Variants in ACOT1 observed in about 807,000 individuals in gnomAD.
The protein encoded by ACOT1 is acyl-coenzyme A thioesterase 1.
ACOT1 carries 8 observed loss-of-function variants against 15.7 expected under a neutral mutation model. The ratio of observed to expected loss-of-function variants is 0.51; its 90% CI spans 0.30 to 0.92. The LOEUF is 0.92. ACOT1 is among the 40% of genes least tolerant of loss of function. ACOT1 has a pLI of 0.06. For missense variants in ACOT1, 151 were observed against 539.4 expected (o/e 0.28, Z 7.13); for synonymous variants, 67 against 241.2 (o/e 0.28, Z 6.69).
At chr14:73,514,062 C>T in the ACOT1 span, 3 of 1,614,204 alleles carry the variant, frequency 1.9e-6, no homozygotes, top group Non-Finnish European at 2.5e-6. Flanking sequence ...ATTCCTTCAG[C>T]ATCCTCCGCA....
chr14:73,493,753 A>T, the ACOT1 span, among the ~76,000 whole-genome samples: 3 of 152,142 alleles, frequency 2.0e-5, no homozygotes, highest in Admixed American at 2.0e-4. Context: ...CAGGAGGATC[A>T]CTTGAACCTG....
chr14:73,502,672 C>T, the ACOT1 span, among the ~76,000 whole-genome samples: 1 of 152,080 alleles, frequency 6.6e-6, no homozygotes, highest in Non-Finnish European at 1.5e-5. Flanking sequence ...CTCAGCCTCC[C>T]GAGTAGCTGG....
the ACOT1 span, among the ~76,000 whole-genome samples, chr14:73,509,107 T>G: frequency 2.0e-5 from 3 of 152,178 alleles, no homozygotes; most frequent in Non-Finnish European, 2.9e-5. Flanking sequence ...GCTCAGGTGA[T>G]CCTGTCGCCT....
chr14:73,491,081 C>G, the ACOT1 span: 1 of 1,598,612 alleles, frequency 6.3e-7, no homozygotes, highest in South Asian at 1.1e-5. Context: ...CCGGCGCAAG[C>G]CCCAGCCACA....
the ACOT1 span, among the ~76,000 whole-genome samples, chr14:73,517,924 A>G: frequency 6.6e-6 from 1 of 151,948 alleles, no homozygotes; most frequent in Admixed American, 6.6e-5. Context: ...CGTCTCTACT[A>G]AAAATACAAA....
intron 1 of ACOT1, among the ~76,000 whole-genome samples, chr14:73,541,122 C>T (rs1889072728): frequency 8.8e-6 from 1 of 113,410 alleles, no homozygotes; most frequent in African/African-American, 3.0e-5. Context: ...TGGAGTCATT[C>T]AGAATGAGTA....
chr14:73,498,395 C>G, the ACOT1 span: 2 of 1,466,430 alleles, frequency 1.4e-6, no homozygotes, highest in Non-Finnish European at 1.8e-6. Flanking sequence ...TTACTATATT[C>G]TAGCATCCAG....
At chr14:73,496,742 G>C in the ACOT1 span, 1 of 880,376 alleles carries the variant, frequency 1.1e-6, no homozygotes, top group Non-Finnish European at 1.9e-6. Flanking sequence ...TATGGGGGTA[G>C]AAAATATAGG....
upstream of ACOT1, among the ~76,000 whole-genome samples, chr14:73,535,492 T>C (rs1479731096): frequency 7.1e-4 from 27 of 38,182 alleles, 5 homozygotes; most frequent in African/African-American, 2.3e-3. Flanking sequence ...TTTTTTTTTT[T>C]TTTTTTTTTT....
chr14:73,502,012 T>C, the ACOT1 span, among the ~76,000 whole-genome samples: 1 of 151,182 alleles, frequency 6.6e-6, no homozygotes, highest in Non-Finnish European at 1.5e-5. Context: ...CCCAAAGTGC[T>C]GGGATTACAG....
chr14:73,537,401 A>T lies in ACOT1; in HGVS notation c.-21A>T, dbSNP rs113717902. The T allele has an allele frequency of 0.018, 22,667 of 1,233,648 alleles. 6,337 individuals carry two copies. The highest frequency in any genetic ancestry group is 0.098 in the African/African-American group (6,368 of 64,656). The allele number at this position is 1,233,648 out of a possible 1,614,324, so 76.4% of individuals were successfully genotyped here. A position where few individuals can be genotyped will look rare whatever the true frequency, so the allele number is the denominator to read the frequency against. ...TCCACAGCTGAGGCAGTTTGGCCGG[A>T]TTATTTGGGTTCCTGCTCGGATGGC... On this transcript the variant is annotated 5_prime_UTR_variant, in exon 1 of 3. Transcript: ENST00000311148.
chr14:73,496,950 G>A, the ACOT1 span, among the ~76,000 whole-genome samples: 2 of 152,216 alleles, frequency 1.3e-5, no homozygotes, highest in African/African-American at 4.8e-5. Flanking sequence ...GAGTGCAATG[G>A]CACGATCTCG....
At chr14:73,522,191 CG>C in the ACOT1 span, 20 of 1,412,894 alleles carry the variant, frequency 1.4e-5, no homozygotes, top group African/African-American at 2.4e-4. Flanking sequence ...ATTCTGAAAT[CG>C]GGAGTGTGAG....
In ACOT1 at chr14:73,537,408, G is replaced by C. The variant is rs111952950; in HGVS notation, c.-14G>C. The C allele has an allele frequency of 0.01, 12,421 of 1,234,428 alleles. 3,368 individuals are homozygous for C. The African/African-American group carries it at 0.17, about 17-fold the overall frequency. The allele number at this position is 1,234,428 out of a possible 1,614,324, so 76.5% of individuals were successfully genotyped here. A position where few individuals can be genotyped will look rare whatever the true frequency, so the allele number is the denominator to read the frequency against. On this transcript the variant is annotated 5_prime_UTR_variant, in exon 1 of 3. Transcript: ENST00000311148. The stretch of plus-strand genomic sequence containing the variant: ...CTGAGGCAGTTTGGCCGGATTATTT[G>C]GGTTCCTGCTCGGATGGCGGCGACG...
chr14:73,511,940 C>T, the ACOT1 span: 145 of 1,597,532 alleles, frequency 9.1e-5, no homozygotes, highest in Non-Finnish European at 1.2e-4. Context: ...GGGTCCCTAC[C>T]AGTTCAGATG....
At chr14:73,519,187 G>A in the ACOT1 span, 1 of 1,604,788 alleles carries the variant, frequency 6.2e-7, no homozygotes, top group South Asian at 1.1e-5. Context: ...AAGAAACAAT[G>A]AGTCCCCTAT....
At chr14:73,491,799 A>C in the ACOT1 span, 1 of 1,595,294 alleles carries the variant, frequency 6.3e-7, no homozygotes, top group Non-Finnish European at 8.5e-7. Flanking sequence ...TTCGGCCAGC[A>C]TTTGGACGCC....
the ACOT1 span, chr14:73,527,313 G>C: frequency 1.3e-5 from 2 of 151,400 alleles, no homozygotes; most frequent in East Asian, 2.0e-4. Context: ...ACTAAATAAG[G>C]CACCAGTGAC....
At chr14:73,493,443 A>T in the ACOT1 span, 1 of 271,716 alleles carries the variant, frequency 3.7e-6, no homozygotes, top group Non-Finnish European at 7.4e-6. Context: ...GAAGAAATGC[A>T]GGAGCGGGAG....
Sources: allele counts gnomAD v4.1 joint callset (sites outside exome capture counted in the v4.1 genomes callset), GRCh38; gene constraint gnomAD v4.1.1; transcripts MANE v1.5; gene names NCBI Gene and HGNC (gene_info 2026-07-23, HGNC 2026-07-21).